The following GULP1 variants were observed in gnomAD, a reference collection of about 807,000 sequenced individuals.
GULP1 encodes PTB domain-containing engulfment adapter protein 1.
Under a neutral mutation model 40.9 loss-of-function variants are expected in GULP1, and 19 were observed. The ratio of observed to expected loss-of-function variants is 0.46; its 90% CI spans 0.32 to 0.68. The LOEUF (loss-of-function observed/expected upper bound fraction) is 0.68. GULP1 is among the 30% of genes least tolerant of loss of function. The pLI, the probability that GULP1 is intolerant of heterozygous loss-of-function variation, is 0.03. For missense variants in GULP1, 312 were observed against 362.2 expected, an observed-to-expected ratio of 0.86 and a Z score of 1.12; for synonymous variants, 119 against 117.6, an observed-to-expected ratio of 1.01 and a Z score of -0.08.
intron 2 of GULP1, among the ~76,000 whole-genome samples, chr2:188,399,714 A>AAAAAAAAAAAAC (rs1553540229): frequency 8.4e-5 from 11 of 131,120 alleles, no homozygotes; most frequent in East Asian, 2.4e-4. Flanking sequence ...AAAAAAAAAA[A>AAAAAAAAAAAAC]CATCAAACTG....
At chr2:188,578,831 C>G (rs1700690610) in intron 9 of GULP1, among the ~76,000 whole-genome samples, 3 of 151,972 alleles carry the variant, frequency 2.0e-5, no homozygotes, top group African/African-American at 7.2e-5. Context: ...GACAGAAAGA[C>G]CAAAATAAAA....
At chr2:188,505,100 C>G (rs2153174534) in intron 4 of GULP1, among the ~76,000 whole-genome samples, 1 of 151,658 alleles carries the variant, frequency 6.6e-6, no homozygotes, top group South Asian at 2.1e-4. Context: ...GAGGAAGGAA[C>G]CCCTGGGAAT....
intron 2 of GULP1, among the ~76,000 whole-genome samples, chr2:188,390,803 A>G (rs2050416641): frequency 1.3e-5 from 2 of 151,990 alleles, no homozygotes; most frequent in Admixed American, 1.3e-4. Context: ...ATAAGATGAG[A>G]GATAGGGATC....
chr2:188,535,477 A>G lies in GULP1; in HGVS notation c.262-5704A>G, dbSNP rs552107859. The stretch of plus-strand genomic sequence containing the variant: ...TTTCTGCATTAATTCGTTTAGGATA[A>G]TGGCCTCCAGCAGTATCCATTTTCT... On this transcript the variant is annotated intron_variant, in intron 6 of 11. Transcript: ENST00000409830. Among the ~76,000 whole-genome samples, 110 of 152,292 alleles carry G rather than the reference A, an allele frequency of 7.2e-4. No homozygotes were observed. In the South Asian group the frequency reaches 9.7e-3, roughly 13 times the overall value.
At chr2:188,566,284 G>A (rs1310566205) in intron 7 of GULP1, among the ~76,000 whole-genome samples, 1 of 151,814 alleles carries the variant, frequency 6.6e-6, no homozygotes, top group African/African-American at 2.4e-5. Context: ...TGTATTGTGG[G>A]GTAATAATAA....
intron 2 of GULP1, among the ~76,000 whole-genome samples, chr2:188,418,589 C>T (rs1032568109): frequency 6.6e-6 from 1 of 152,090 alleles, no homozygotes; most frequent in African/African-American, 2.4e-5. Flanking sequence ...GCTGAAATCA[C>T]ACCACTGCAC....
At chr2:188,336,861 T>C (rs1402967740) in intron 1 of GULP1, among the ~76,000 whole-genome samples, 1 of 152,180 alleles carries the variant, frequency 6.6e-6, no homozygotes, top group African/African-American at 2.4e-5. Context: ...GTCTAGATCA[T>C]GGACTTATAG....
At chr2:188,424,934 G>C (rs2055964850) in intron 2 of GULP1, among the ~76,000 whole-genome samples, 1 of 151,974 alleles carries the variant, frequency 6.6e-6, no homozygotes, top group African/African-American at 2.4e-5. Flanking sequence ...TCAGAATCAT[G>C]TCTGATTTTC....
chr2:188,515,567 T>G (rs1024417136), intron 4 of GULP1, among the ~76,000 whole-genome samples: 1 of 152,160 alleles, frequency 6.6e-6, no homozygotes, highest in African/African-American at 2.4e-5. Flanking sequence ...ATATGCCACC[T>G]TTTTAGAGAG....
chr2:188,342,761 A>T (rs1366220137), intron 1 of GULP1, among the ~76,000 whole-genome samples: 1 of 152,092 alleles, frequency 6.6e-6, no homozygotes, highest in African/African-American at 2.4e-5. Context: ...CTTAAATCTC[A>T]TTTTCGTTTT....
At chr2:188,496,765 G>T (rs538063358) in intron 4 of GULP1, among the ~76,000 whole-genome samples, 11 of 152,022 alleles carry the variant, frequency 7.2e-5, no homozygotes, top group African/African-American at 2.7e-4. Flanking sequence ...TGGAGGTGAA[G>T]CCTGATGGGA....
intron 4 of GULP1, among the ~76,000 whole-genome samples, chr2:188,499,169 A>ATG (rs1553571393): frequency 4.2e-5 from 6 of 142,486 alleles, no homozygotes; most frequent in Non-Finnish European, 9.1e-5. Context: ...ATATATATAT[A>ATG]TGAACTCTGC....
At chr2:188,358,964 G>A (rs1404713278) in intron 1 of GULP1, among the ~76,000 whole-genome samples, 1 of 151,890 alleles carries the variant, frequency 6.6e-6, no homozygotes, top group Non-Finnish European at 1.5e-5. Context: ...TATTCTTTTG[G>A]TTTATAGATT....
At chr2:188,310,830 C>G (rs2106340828) in intron 1 of GULP1, among the ~76,000 whole-genome samples, 1 of 152,238 alleles carries the variant, frequency 6.6e-6, no homozygotes, top group South Asian at 2.1e-4. Flanking sequence ...AGAGGGACTT[C>G]TTAAACCTCA....
At chr2:188,389,560 C>A (rs1043723061) in intron 2 of GULP1, among the ~76,000 whole-genome samples, 168 of 152,142 alleles carry the variant, frequency 1.1e-3, no homozygotes, top group African/African-American at 3.9e-3. Flanking sequence ...AGTGTCCTTA[C>A]CTCCTAGAGG....
chr2:188,535,373 C>G (rs1424942115), intron 6 of GULP1, among the ~76,000 whole-genome samples: 1 of 151,938 alleles, frequency 6.6e-6, no homozygotes, highest in Non-Finnish European at 1.5e-5. Flanking sequence ...TACCCAGTGT[C>G]TATTATTGCC....
intron 7 of GULP1, among the ~76,000 whole-genome samples, chr2:188,565,267 T>C (rs2153422123): frequency 6.6e-6 from 1 of 152,054 alleles, no homozygotes; most frequent in South Asian, 2.1e-4. Flanking sequence ...AAAAAGCAAG[T>C]GGCTATATTC....
intron 2 of GULP1, among the ~76,000 whole-genome samples, chr2:188,398,919 G>A (rs998477402): frequency 6.6e-6 from 1 of 152,166 alleles, no homozygotes; most frequent in Non-Finnish European, 1.5e-5. Context: ...TGAAAAAATG[G>A]AAGTGGCTAT....
chr2:188,337,035 G>T (rs1242032450), intron 1 of GULP1, among the ~76,000 whole-genome samples: 9 of 152,038 alleles, frequency 5.9e-5, no homozygotes, highest in African/African-American at 1.9e-4. Context: ...TTCCTTGTGA[G>T]TAGTTTCCCA....
Sources: allele counts gnomAD v4.1 joint callset (sites outside exome capture counted in the v4.1 genomes callset), GRCh38; gene constraint gnomAD v4.1.1; transcripts MANE v1.5; gene names NCBI Gene and HGNC (gene_info 2026-07-23, HGNC 2026-07-21).